Variants in GREB1 observed in about 807,000 individuals in gnomAD.
The protein encoded by GREB1 is growth regulating estrogen receptor binding 1.
A neutral mutation model predicts 200.7 loss-of-function variants in GREB1; 106 were observed. The ratio of observed to expected loss-of-function variants is 0.53; its 90% CI spans 0.45 to 0.62. GREB1 has a LOEUF of 0.62. GREB1 is among the 20% of genes least tolerant of loss of function. The pLI, the probability that GREB1 is intolerant of heterozygous loss-of-function variation, is 0.00. For missense variants in GREB1, 2,243 were observed against 2,556.8 expected, an observed-to-expected ratio of 0.88 and a Z score of 2.65; for synonymous variants, 1,132 against 1,092.4, an observed-to-expected ratio of 1.04 and a Z score of -0.72.
chr2:11,606,892 C>A (rs1276652103), intron 17 of GREB1, among the ~76,000 whole-genome samples: 2 of 151,772 alleles, frequency 1.3e-5, no homozygotes, highest in Non-Finnish European at 2.9e-5. Flanking sequence ...AAGTGATTCT[C>A]CTGCCTCAGC....
chr2:11,565,845 T>C (rs1677577272), intron 3 of GREB1, among the ~76,000 whole-genome samples: 1 of 152,126 alleles, frequency 6.6e-6, no homozygotes, highest in African/African-American at 2.4e-5. Flanking sequence ...AAATGCAGCA[T>C]GTAAAAAACA....
intron 21 of GREB1, among the ~76,000 whole-genome samples, 186 bp from the exon 22 acceptor site, chr2:11,618,102 C>T (rs370768354): frequency 1.4e-5 from 1 of 71,744 alleles, no homozygotes; most frequent in East Asian, 2.6e-4. Context: ...TCTGGGACAG[C>T]TCACTCCTGG....
At chr2:11,512,020 G>A (rs994259877) in intron 1 of GREB1, among the ~76,000 whole-genome samples, 3 of 152,176 alleles carry the variant, frequency 2.0e-5, no homozygotes, top group Non-Finnish European at 2.9e-5. Context: ...GTTACTCAGC[G>A]ATTTCTAGCC....
intron 2 of GREB1, among the ~76,000 whole-genome samples, chr2:11,557,223 T>G (rs1391203494): frequency 2.6e-5 from 4 of 152,262 alleles, no homozygotes; most frequent in Non-Finnish European, 4.4e-5. Context: ...AAATTTAATA[T>G]ATGCCAAGAA....
chr2:11,487,554 T>C (rs1041545247), intron 1 of GREB1, among the ~76,000 whole-genome samples: 41 of 152,232 alleles, frequency 2.7e-4, no homozygotes, highest in African/African-American at 9.6e-4. Context: ...TTAGGGGTAG[T>C]GTGAGAGACT....
intron 1 of GREB1, among the ~76,000 whole-genome samples, chr2:11,502,832 T>C (rs1291801853): frequency 6.6e-6 from 1 of 152,222 alleles, no homozygotes; most frequent in Non-Finnish European, 1.5e-5. Flanking sequence ...CATTTAACTG[T>C]GTTAACAAGT....
chr2:11,607,444 GTGTGTGTGTGTGTGTGTATA>G, intron 17 of GREB1, among the ~76,000 whole-genome samples: 1 of 104,904 alleles, frequency 9.5e-6, no homozygotes, highest in Non-Finnish European at 2.3e-5. Context: ...GTGTGTGTGT[GTGTGTGTGTGTGTGTGTATA>G]TATATATACA....
At chr2:11,584,043 C>T (rs929342141) in intron 7 of GREB1, among the ~76,000 whole-genome samples, 1 of 152,100 alleles carries the variant, frequency 6.6e-6, no homozygotes, top group Non-Finnish European at 1.5e-5. Flanking sequence ...ATTTCTCCAC[C>T]CGGGCTGTGC....
At chr2:11,588,005 C>A in intron 9 of GREB1, 2 of 876,800 alleles carry the variant, frequency 2.3e-6, no homozygotes, top group Non-Finnish European at 1.4e-6. Context: ...GCGGGTAGAT[C>A]ACTTTAGGTC....
At chr2:11,573,296 G>A (rs887910610) in intron 4 of GREB1, among the ~76,000 whole-genome samples, 11 of 152,276 alleles carry the variant, frequency 7.2e-5, no homozygotes, top group African/African-American at 2.4e-4. Flanking sequence ...AAAATCACAG[G>A]GTGTGGCTGT....
In GREB1 at chr2:11,642,466, A is replaced by G. The variant is rs553191065; in HGVS notation, c.*2012A>G. ...TTACACATCTATCCTAGACATTTATAAGCACTCTAATGGATAACAATCCAA... is the reference window on the plus strand; with the variant it reads ...TTACACATCTATCCTAGACATTTATGAGCACTCTAATGGATAACAATCCAA... On this transcript the variant is annotated 3_prime_UTR_variant, in exon 33 of 33. Transcript: ENST00000381486. 7 of 152,306 alleles carry G rather than the reference A, an allele frequency of 4.6e-5. No homozygotes were observed. The highest frequency in any genetic ancestry group is 1.2e-4 in the African/African-American group (5 of 41,556). 9.4% of individuals were successfully genotyped at this position (152,306 alleles called of 1,614,324 possible).
At chr2:11,515,230 G>T (rs1673460215) in intron 1 of GREB1, among the ~76,000 whole-genome samples, 1 of 152,076 alleles carries the variant, frequency 6.6e-6, no homozygotes, top group African/African-American at 2.4e-5. Context: ...TTCAGTAGGT[G>T]TTCTCTGAAC....
chr2:11,578,224 C>G, intron 5 of GREB1, 73 bp from the exon 6 acceptor site: 1 of 1,507,914 alleles, frequency 6.6e-7, no homozygotes, highest in African/African-American at 1.4e-5. Flanking sequence ...GGACACGTTC[C>G]ACTCCAGGAA....
At chr2:11,615,754 T>C (rs904189034) in intron 20 of GREB1, among the ~76,000 whole-genome samples, 3 of 152,214 alleles carry the variant, frequency 2.0e-5, no homozygotes, top group Non-Finnish European at 4.4e-5. Flanking sequence ...TGCAGACTCT[T>C]CAAATCTGAT....
intron 1 of GREB1, among the ~76,000 whole-genome samples, chr2:11,551,951 T>C (rs1675891596): frequency 6.6e-6 from 1 of 152,252 alleles, no homozygotes; most frequent in South Asian, 2.1e-4. Context: ...CTGAAATTCT[T>C]TTCCTGTGAA....
intron 1 of GREB1, among the ~76,000 whole-genome samples, chr2:11,516,583 A>AAC (rs1277698255): frequency 5.3e-5 from 8 of 152,178 alleles, no homozygotes; most frequent in Non-Finnish European, 7.4e-5. Flanking sequence ...TCCCAGCTGT[A>AAC]GTTGACGTAG....
At chr2:11,488,827 C>A (rs1157859816) in intron 1 of GREB1, among the ~76,000 whole-genome samples, 4 of 144,884 alleles carry the variant, frequency 2.8e-5, no homozygotes, top group Admixed American at 6.9e-5. Flanking sequence ...AAAGGAATTA[C>A]CAGATAAAAT....
chr2:11,597,803 C>G lies in GREB1; in HGVS notation c.1977C>G (p.Ser659Arg), dbSNP rs777885425. 1.2e-6 allele frequency: 2 copies of G among 1,614,074 alleles called. No homozygotes were observed. Among genetic ancestry groups the G allele is most frequent in the African/African-American group, 2.7e-5 (2 of 74,916 alleles). ...VCTSYNLEPH[S>R]IRPFQLAVAQ... ...CAGGTTACAATCTGGAGCCACACAG[C>G]ATCCGGCCCTTCCAGCTGGCAGTAG... is the stretch of plus-strand genomic sequence containing the variant. The change falls in exon 14 of 33, where the codon AGC becomes AGG. Residue 659 changes from serine to arginine, a missense_variant. Coordinates refer to ENST00000381486, the MANE Select transcript of GREB1 (RefSeq NM_014668.4). This position sits in a 1 kb window ranked among gnomAD's most constrained non-coding sequence, Gnocchi z 4.1.
At chr2:11,500,431 T>G (rs973114546) in intron 1 of GREB1, among the ~76,000 whole-genome samples, 3 of 151,476 alleles carry the variant, frequency 2.0e-5, no homozygotes, top group Non-Finnish European at 4.4e-5. Flanking sequence ...AGTGCTGGGA[T>G]TACCGGCGTA....
Sources: allele counts gnomAD v4.1 joint callset (sites outside exome capture counted in the v4.1 genomes callset), GRCh38; gene constraint gnomAD v4.1.1; non-coding constraint Gnocchi (gnomAD v3.1); transcripts MANE v1.5; gene names NCBI Gene and HGNC (gene_info 2026-07-23, HGNC 2026-07-21).